ZDHHC14: variants seen among roughly 807,000 people sequenced by gnomAD.
The protein encoded by ZDHHC14 is zDHHC palmitoyltransferase 14, also known as palmitoyltransferase ZDHHC14.
ZDHHC14 carries 16 observed loss-of-function variants against 47.7 expected under a neutral mutation model. The observed-to-expected ratio is 0.34, with a 90% confidence interval of 0.23 to 0.51. The LOEUF (loss-of-function observed/expected upper bound fraction) is 0.51, where lower values mean the gene tolerates loss of function less well. Among genes scored for constraint, ZDHHC14 ranks in the 20% least tolerant of loss-of-function variants. The pLI, the probability that ZDHHC14 is intolerant of heterozygous loss-of-function variation, is 0.97. For missense variants in ZDHHC14, 515 were observed against 662.5 expected, an observed-to-expected ratio of 0.78 and a Z score of 2.44; for synonymous variants, 293 against 278.9, an observed-to-expected ratio of 1.05 and a Z score of -0.50.
At chr6:157,653,492 TC>T in intron 7 of ZDHHC14, 32 bp from the exon 8 acceptor site, 1 of 1,610,188 alleles carries the variant, frequency 6.2e-7, no homozygotes, top group Non-Finnish European at 8.5e-7. Flanking sequence ...TTTTATTCAC[TC>T]TCTTCCTGCT....
chr6:157,474,311 CATTT>C (rs1202363085), intron 1 of ZDHHC14, among the ~76,000 whole-genome samples: 3 of 152,138 alleles, frequency 2.0e-5, no homozygotes, highest in South Asian at 2.1e-4. Context: ...TTTATTCATT[CATTT>C]GTTAATAGAC....
At chr6:157,390,289 A>G (rs546348674) in intron 1 of ZDHHC14, among the ~76,000 whole-genome samples, 231 of 151,902 alleles carry the variant, frequency 1.5e-3, no homozygotes, top group Non-Finnish European at 2.6e-3. Flanking sequence ...ATTTCCCCCC[A>G]TATGTCATAT....
At chr6:157,501,962 C>T (rs150876299) in intron 1 of ZDHHC14, among the ~76,000 whole-genome samples, 94 of 152,300 alleles carry the variant, frequency 6.2e-4, no homozygotes, top group African/African-American at 2.1e-3. Context: ...AGCCTTTGAC[C>T]ACACATGGCC....
At position 157,591,804 on chromosome 6, in the gene ZDHHC14, A is replaced by G. The variant is rs891699547; in HGVS notation, c.407-1184A>G. Among the ~76,000 whole-genome samples, 17 of 152,160 alleles carry G rather than the reference A, an allele frequency of 1.1e-4. 1 individual carries two copies. Among genetic ancestry groups the G allele is most frequent in the Admixed American group, 1.1e-3 (17 of 15,278 alleles). ...AATCAACCAAAAGTATCTTGCAACC[A>G]TCTCTGATAGTATGTGCTTTAAGAG... On this transcript the variant is annotated intron_variant, in intron 2 of 8. Transcript: ENST00000359775.
At chr6:157,489,367 A>T (rs1369388418) in intron 1 of ZDHHC14, among the ~76,000 whole-genome samples, 4 of 152,148 alleles carry the variant, frequency 2.6e-5, no homozygotes, top group African/African-American at 9.7e-5. Context: ...CCCGACAAGA[A>T]GTGTTGGTTT....
rs1232621754 is a variant in ZDHHC14 at position 157,381,402 on chromosome 6, C to T, written c.-620C>T. On this transcript the variant is annotated 5_prime_UTR_variant, in exon 1 of 9. Transcript: ENST00000359775. ...TCGCGGTGCGAGCGGCGCCCCGGCT[C>T]TCGCCGAGAGGCTCCTGACAGAAAA... 1.5e-5 allele frequency: 3 copies of T among 197,414 alleles called. No homozygotes were observed. The highest frequency in any genetic ancestry group is 3.3e-5 in the Non-Finnish European group (3 of 91,736). The allele number at this position is 197,414 out of a possible 1,614,324, so 12.2% of individuals were successfully genotyped here.
At chr6:157,661,827 T>A (rs1778354659) in intron 8 of ZDHHC14, among the ~76,000 whole-genome samples, 1 of 152,244 alleles carries the variant, frequency 6.6e-6, no homozygotes, top group South Asian at 2.1e-4. Flanking sequence ...GGAGCTTTTT[T>A]TGTTTTATTT....
chr6:157,660,064 A>G (rs941065062), intron 8 of ZDHHC14, among the ~76,000 whole-genome samples: 2 of 152,210 alleles, frequency 1.3e-5, no homozygotes, highest in Non-Finnish European at 2.9e-5. Context: ...TAATCCCCAC[A>G]GCAACCTGCA....
At chr6:157,393,512 G>A (rs1409954458) in intron 1 of ZDHHC14, among the ~76,000 whole-genome samples, 4 of 152,326 alleles carry the variant, frequency 2.6e-5, no homozygotes, top group African/African-American at 7.2e-5. Context: ...CTAAATACCA[G>A]CGTCTATTGG....
At chr6:157,612,681 A>G (rs1784798115) in intron 3 of ZDHHC14, among the ~76,000 whole-genome samples, 2 of 152,168 alleles carry the variant, frequency 1.3e-5, no homozygotes, top group African/African-American at 2.4e-5. Context: ...GGCCTGTGTC[A>G]GTTTCCCTTA....
At chr6:157,580,711 T>TG (rs1324663873) in intron 2 of ZDHHC14, among the ~76,000 whole-genome samples, 3 of 108,516 alleles carry the variant, frequency 2.8e-5, no homozygotes, top group African/African-American at 1.3e-4. Flanking sequence ...TTTTTTGTGT[T>TG]TTGTGTGTGT....
At chr6:157,614,687 C>T (rs983495516) in intron 3 of ZDHHC14, among the ~76,000 whole-genome samples, 10 of 152,128 alleles carry the variant, frequency 6.6e-5, no homozygotes, top group African/African-American at 2.2e-4. Flanking sequence ...GGGCCGGGGT[C>T]ACCAGTGTGT....
intron 2 of ZDHHC14, among the ~76,000 whole-genome samples, chr6:157,549,015 G>C (rs967264304): frequency 6.6e-6 from 1 of 152,230 alleles, no homozygotes; most frequent in Non-Finnish European, 1.5e-5. Flanking sequence ...GGATGCCAGT[G>C]CTTGGGAGGA....
intron 1 of ZDHHC14, among the ~76,000 whole-genome samples, chr6:157,540,910 G>GTGTGTGTATATATATATATATATATA (rs1284429244): frequency 4.9e-5 from 6 of 122,990 alleles, no homozygotes; most frequent in African/African-American, 2.6e-4. Flanking sequence ...GTGTGTGTGT[G>GTGTGTGTATATATATATATATATATA]TATATATATA....
intron 1 of ZDHHC14, among the ~76,000 whole-genome samples, chr6:157,477,159 C>G (rs1488289798): frequency 6.6e-6 from 1 of 152,176 alleles, no homozygotes; most frequent in Non-Finnish European, 1.5e-5. Flanking sequence ...GGGGGGTGGT[C>G]ACCTGAGGTC....
chr6:157,597,219 C>A (rs1375835048), intron 3 of ZDHHC14, among the ~76,000 whole-genome samples: 1 of 152,206 alleles, frequency 6.6e-6, no homozygotes, highest in Non-Finnish European at 1.5e-5. Context: ...ATCCTCATAT[C>A]CCTCAAATCA....
At chr6:157,423,693 G>C (rs1778154086) in intron 1 of ZDHHC14, among the ~76,000 whole-genome samples, 1 of 152,168 alleles carries the variant, frequency 6.6e-6, no homozygotes, top group Non-Finnish European at 1.5e-5. Flanking sequence ...CAAAATCTCT[G>C]TTTTGTAAGC....
intron 2 of ZDHHC14, among the ~76,000 whole-genome samples, chr6:157,560,390 T>C (rs923736196): frequency 6.6e-6 from 1 of 152,230 alleles, no homozygotes; most frequent in Non-Finnish European, 1.5e-5. Context: ...TGCAATCTGC[T>C]TCTGTAAACG....
rs9457859 is a variant in ZDHHC14, at chr6:157,582,331, A to T, written c.407-10657A>T. On this transcript the variant is annotated intron_variant, in intron 2 of 8. Transcript: ENST00000359775. This position sits in a 1 kb window ranked among gnomAD's most constrained non-coding sequence, Gnocchi z 4.3. ...GTTTGTGTGGTTGCTTTATAGAGTC[A>T]CCAGTCTGTGTACTTGAGTGTGTTT... is the stretch of plus-strand genomic sequence containing the variant. 0.19 allele frequency among the ~76,000 whole-genome samples: 29,217 copies of T among 152,176 alleles called. 3,542 individuals are homozygous for T. Among genetic ancestry groups the T allele is most frequent in the East Asian group, 0.51 (2,624 of 5,168 alleles).
Sources: allele counts gnomAD v4.1 joint callset (sites outside exome capture counted in the v4.1 genomes callset), GRCh38; gene constraint gnomAD v4.1.1; non-coding constraint Gnocchi (gnomAD v3.1); transcripts MANE v1.5; gene names NCBI Gene and HGNC (gene_info 2026-07-23, HGNC 2026-07-21).